Variants in SERPINI1 observed in about 807,000 individuals in gnomAD.
SERPINI1 encodes serpin family I member 1.
In SERPINI1, 19 loss-of-function variants were observed where a neutral mutation model predicts 41.1. That is an observed-to-expected ratio of 0.46 (90% CI 0.32 to 0.68). The LOEUF is 0.68. Ranked by LOEUF, SERPINI1 falls within the 30% of genes least tolerant of loss-of-function variation. The pLI is 0.03. For synonymous variants in SERPINI1, 138 were observed against 156.6 expected, an observed-to-expected ratio of 0.88 and a Z score of 0.89; for missense variants, 460 against 479.2, an observed-to-expected ratio of 0.96 and a Z score of 0.37.
At chr3:167,744,629 A>G (rs1046686610) in intron 1 of SERPINI1, among the ~76,000 whole-genome samples, 2 of 137,138 alleles carry the variant, frequency 1.5e-5, no homozygotes, top group African/African-American at 5.5e-5. Context: ...ATATTTAAAT[A>G]TTTTATATTT....
chr3:167,776,073 A>G (rs1235315182), intron 1 of SERPINI1, among the ~76,000 whole-genome samples: 2 of 152,234 alleles, frequency 1.3e-5, no homozygotes, highest in African/African-American at 4.8e-5. Context: ...CCCACTGTCT[A>G]GGGAAGAGAT....
In SERPINI1 at chr3:167,789,103, T is replaced by C. The variant is rs1468493493; in HGVS notation, c.-18-8T>C. 3 of 1,612,106 alleles carry C rather than the reference T, an allele frequency of 1.9e-6. No homozygotes were observed. The highest frequency in any genetic ancestry group is 2.2e-5 in the East Asian group (1 of 44,874). On this transcript the variant is annotated splice_polypyrimidine_tract_variant and splice_region_variant and intron_variant, in intron 1 of 8. Transcript: ENST00000446050. Reference sequence around the variant, plus strand: ...CTAATAATTAATATGTAAATTGTTGTTTTTTAGGCTTGAAACTGTTACAAT... The same window carrying C: ...CTAATAATTAATATGTAAATTGTTGCTTTTTAGGCTTGAAACTGTTACAAT...
At chr3:167,757,497 ATCTC>A (rs71176653) in intron 1 of SERPINI1, among the ~76,000 whole-genome samples, 11 of 151,316 alleles carry the variant, frequency 7.3e-5, no homozygotes, top group African/African-American at 2.7e-4. Context: ...AATTAGTGAG[ATCTC>A]TCTCTCTCTC....
At chr3:167,811,117 C>T (rs1251206665) in intron 6 of SERPINI1, among the ~76,000 whole-genome samples, 1 of 151,772 alleles carries the variant, frequency 6.6e-6, no homozygotes. Context: ...AAGTCAGAAT[C>T]AACTTCTTCC....
At chr3:167,809,414 C>A (rs13076443) in intron 6 of SERPINI1, among the ~76,000 whole-genome samples, 53,600 of 152,034 alleles carry the variant, frequency 0.35, 10,687 homozygotes, top group African/African-American at 0.54. Flanking sequence ...AACAAATAGA[C>A]TACCTGCTGC....
intron 2 of SERPINI1, among the ~76,000 whole-genome samples, 165 bp downstream of exon 2, chr3:167,789,543 C>T (rs923318085): frequency 2.0e-5 from 3 of 152,166 alleles, no homozygotes; most frequent in African/African-American, 7.2e-5. Flanking sequence ...GTGTTAATTC[C>T]TGATTCCACT....
chr3:167,810,223 T>G (rs1185038981), intron 6 of SERPINI1, among the ~76,000 whole-genome samples: 2 of 152,148 alleles, frequency 1.3e-5, no homozygotes, highest in Non-Finnish European at 2.9e-5. Context: ...TATGTCTAGT[T>G]TTTTCCTCTC....
intron 1 of SERPINI1, among the ~76,000 whole-genome samples, chr3:167,758,385 G>T (rs1726258097): frequency 6.6e-6 from 1 of 152,102 alleles, no homozygotes; most frequent in African/African-American, 2.4e-5. Flanking sequence ...ATACCTATGA[G>T]TCTCTACTGA....
chr3:167,756,935 C>G (rs1051087008), intron 1 of SERPINI1, among the ~76,000 whole-genome samples: 1 of 152,172 alleles, frequency 6.6e-6, no homozygotes, highest in East Asian at 1.9e-4. Flanking sequence ...AAAAAATAGA[C>G]TTAGTGACTC....
intron 4 of SERPINI1, among the ~76,000 whole-genome samples, chr3:167,793,382 C>T (rs923004158): frequency 2.0e-5 from 3 of 151,878 alleles, no homozygotes; most frequent in African/African-American, 7.3e-5. Context: ...TTTGTTAAGT[C>T]ATAATCAGAA....
chr3:167,749,109 A>G (rs1301884899), intron 1 of SERPINI1, among the ~76,000 whole-genome samples: 1 of 152,226 alleles, frequency 6.6e-6, no homozygotes, highest in Non-Finnish European at 1.5e-5. Flanking sequence ...ACTCACTGAG[A>G]TATTGATATA....
intron 1 of SERPINI1, among the ~76,000 whole-genome samples, chr3:167,742,634 G>A (rs143414454): frequency 6.6e-6 from 1 of 152,124 alleles, no homozygotes; most frequent in African/African-American, 2.4e-5. Flanking sequence ...TCATATGGCT[G>A]CCCTAGCTTT....
Position 167,789,107 on chromosome 3 carries a change from T to A in SERPINI1, c.-18-4T>A, listed in dbSNP as rs1727408677. 1 of 1,612,786 alleles carries A rather than the reference T, an allele frequency of 6.2e-7. No homozygotes were observed. The highest frequency in any genetic ancestry group is 2.2e-5 in the East Asian group (1 of 44,882). ...TAATTAATATGTAAATTGTTGTTTT[T>A]TAGGCTTGAAACTGTTACAATATGG... On this transcript the variant is annotated splice_polypyrimidine_tract_variant and splice_region_variant and intron_variant, in intron 1 of 8. Transcript: ENST00000446050.
chr3:167,795,648 TG>T (rs975430361), intron 5 of SERPINI1, among the ~76,000 whole-genome samples: 42 of 152,276 alleles, frequency 2.8e-4, no homozygotes, highest in African/African-American at 9.1e-4. Context: ...CCCTCATTTT[TG>T]CTTCACTTAT....
chr3:167,793,596 A>ATATATATTTTTT, intron 4 of SERPINI1, among the ~76,000 whole-genome samples: 56 of 140,612 alleles, frequency 4.0e-4, no homozygotes, highest in Admixed American at 1.3e-3. Flanking sequence ...ATATATATAT[A>ATATATATTTTTT]TTTTTAATTA....
At chr3:167,779,292 A>C (rs1443310568) in intron 1 of SERPINI1, among the ~76,000 whole-genome samples, 1 of 152,212 alleles carries the variant, frequency 6.6e-6, no homozygotes, top group Middle Eastern at 3.2e-3. Flanking sequence ...CACATATCAA[A>C]GTTTTTTTAG....
intron 8 of SERPINI1, 98 bp from the exon 9 acceptor site, chr3:167,825,149 A>C: frequency 1.2e-6 from 1 of 841,938 alleles, no homozygotes; most frequent in Non-Finnish European, 2.1e-6. Context: ...GGAAGGAAGG[A>C]GAAAATAACA....
At chr3:167,804,575 G>A (rs546911418) in intron 5 of SERPINI1, among the ~76,000 whole-genome samples, 1 of 152,278 alleles carries the variant, frequency 6.6e-6, no homozygotes, top group East Asian at 1.9e-4. Flanking sequence ...TTTTATGTCT[G>A]TAGTCCTAGC....
rs1423270275 is a variant in SERPINI1 at position 167,789,330 on chromosome 3, AC to A, written c.205del (p.Gln69ArgfsTer13). On this transcript the variant is annotated frameshift_variant, in exon 2 of 9. Transcript: ENST00000446050. LOFTEE classifies it high-confidence loss of function. ...GMMELGAQGS[T>X]QKEIRHSMGY... ...GATGGAACTTGGGGCCCAAGGATCT[AC>A]CCAGAAAGAAATCCGCCACTCAATG... 6.2e-7 allele frequency: 1 copy of A among 1,614,188 alleles called. No individual in the cohort carries two copies. The highest frequency in any genetic ancestry group is 1.1e-5 in the South Asian group (1 of 91,086).
Sources: allele counts gnomAD v4.1 joint callset (sites outside exome capture counted in the v4.1 genomes callset), GRCh38; gene constraint gnomAD v4.1.1; transcripts MANE v1.5; gene names NCBI Gene and HGNC (gene_info 2026-07-23, HGNC 2026-07-21).